Variants in BICD1 observed in about 807,000 individuals in gnomAD.
BICD1 encodes the protein protein bicaudal D homolog 1.
Under a neutral mutation model 92.5 loss-of-function variants are expected in BICD1, and 35 were observed. The ratio of observed to expected loss-of-function variants is 0.38; its 90% CI spans 0.29 to 0.50. The LOEUF is 0.50. Among genes scored for constraint, BICD1 ranks in the 20% least tolerant of loss-of-function variants. The probability of loss-of-function intolerance (pLI) is 0.93; values close to 1 mark genes in which losing one functional copy is unlikely to be tolerated. For synonymous variants in BICD1, 429 were observed against 465.1 expected (o/e 0.92, Z 1.00); for missense variants, 950 against 1,189.8 (o/e 0.80, Z 2.97).
Position 32,324,097 on chromosome 12 carries a change from G to A in BICD1, c.1006-3364G>A, listed in dbSNP as rs1279676270. Among the ~76,000 whole-genome samples, 7 of 151,852 alleles carry A rather than the reference G, an allele frequency of 4.6e-5. No individual in the cohort carries two copies. The East Asian group carries it at 5.8e-4, about 13-fold the overall frequency. On this transcript the variant is annotated intron_variant, in intron 4 of 9. Coordinates refer to ENST00000652176, the MANE Select transcript of BICD1 (RefSeq NM_001714.4). ...TGTAATCCCAGCACTTTGGGAGGCC[G>A]AGGTGGGCAGATCACGAGGTCAGGA...
At chr12:32,187,488 A>G (rs1442887688) in intron 1 of BICD1, among the ~76,000 whole-genome samples, 3 of 152,098 alleles carry the variant, frequency 2.0e-5, no homozygotes, top group Non-Finnish European at 4.4e-5. Flanking sequence ...CCTGACCAAC[A>G]TGGTGAAACC....
rs1241646041 is a variant in BICD1, at chr12:32,163,246, CCTT to C, written c.214-52997_214-52995del. Among the ~76,000 whole-genome samples the C allele has an allele frequency of 2.0e-5, 3 of 151,496 alleles. 1 individual carries two copies. On this transcript the variant is annotated intron_variant, in intron 1 of 9. Transcript: ENST00000652176. The stretch of plus-strand genomic sequence containing the variant: ...ACATTTTATTATTTAATTCTTCCTG[CCTT>C]CTTTTCATTAATTTATGCAGCATTT...
Position 32,306,101 on chromosome 12 carries a change from G to A in BICD1, c.984G>A (p.Lys328=). ...FSELNISEIQ[K]LKQQLMQVER... is the part of the protein sequence containing the mutation. ...AGCTGAACATTTCAGAAATACAGAA[G>A]TTGAAGCAGCAGCTTATGCAGGTAA... The change falls in exon 4 of 10, where the codon AAG becomes AAA. Residue 328 remains lysine, a synonymous_variant. Coordinates refer to ENST00000652176, the MANE Select transcript of BICD1 (RefSeq NM_001714.4). The A allele has an allele frequency of 2.5e-6, 4 of 1,603,406 alleles. No homozygotes were observed. The South Asian group carries it at 4.5e-5, about 18-fold the overall frequency.
intron 8 of BICD1, chr12:32,339,565 C>T (rs1938278390): frequency 2.4e-5 from 24 of 985,438 alleles, no homozygotes; most frequent in Non-Finnish European, 2.8e-5. Flanking sequence ...CTTAGCTTCA[C>T]TATTTTGCAT....
intron 1 of BICD1, among the ~76,000 whole-genome samples, chr12:32,132,214 G>A (rs1161967655): frequency 6.6e-6 from 1 of 152,078 alleles, no homozygotes; most frequent in East Asian, 1.9e-4. Context: ...TCAGGAGTTC[G>A]AGACCAGCTT....
At chr12:32,367,501 C>A (rs896026850) in intron 8 of BICD1, 169 bp from the exon 9 acceptor site, 2 of 522,460 alleles carry the variant, frequency 3.8e-6, no homozygotes, top group African/African-American at 1.9e-5. Flanking sequence ...AAAAGCCTGT[C>A]TTTTCTATTG....
chr12:32,216,244 C>A lies in BICD1; in HGVS notation c.214-3C>A, dbSNP rs1178537509. 6.2e-7 allele frequency: 1 copy of A among 1,612,736 alleles called. No individual in the cohort carries two copies. The highest frequency in any genetic ancestry group is 8.5e-7 in the Non-Finnish European group (1 of 1,179,646). On this transcript the variant is annotated splice_polypyrimidine_tract_variant and splice_region_variant and intron_variant, in intron 1 of 9. Coordinates refer to ENST00000652176, the MANE Select transcript of BICD1 (RefSeq NM_001714.4). ...ACTCTTTTTCTTCCCATATACTCTG[C>A]AGGCATTTGGGCAGTCCTTCTCCAT...
chr12:32,267,729 G>C (rs1947036970), intron 2 of BICD1, among the ~76,000 whole-genome samples: 1 of 152,032 alleles, frequency 6.6e-6, no homozygotes, highest in South Asian at 2.1e-4. Flanking sequence ...TGACATTTTT[G>C]TTGTTAATTA....
chr12:32,202,397 TCTG>T (rs1351080086), intron 1 of BICD1, among the ~76,000 whole-genome samples: 4 of 152,200 alleles, frequency 2.6e-5, no homozygotes, highest in African/African-American at 9.7e-5. Context: ...AATATTTTTT[TCTG>T]CTTTTTGGTG....
intron 8 of BICD1, among the ~76,000 whole-genome samples, chr12:32,363,106 CTT>C (rs1939396041): frequency 2.0e-5 from 3 of 152,160 alleles, no homozygotes; most frequent in African/African-American, 7.2e-5. Flanking sequence ...ATTTTCCTCT[CTT>C]ATTTCTCCCT....
intron 1 of BICD1, among the ~76,000 whole-genome samples, chr12:32,177,544 C>A (rs1051655016): frequency 1.3e-5 from 2 of 148,976 alleles, no homozygotes; most frequent in African/African-American, 2.5e-5. Flanking sequence ...GTTCGCGATT[C>A]TATAGGCAAA....
chr12:32,276,350 C>G (rs1947277008), intron 2 of BICD1, among the ~76,000 whole-genome samples: 1 of 152,172 alleles, frequency 6.6e-6, no homozygotes, highest in Non-Finnish European at 1.5e-5. Flanking sequence ...AGAGAGGGGA[C>G]TGAGAGACAG....
At chr12:32,273,621 C>T (rs996438303) in intron 2 of BICD1, among the ~76,000 whole-genome samples, 4 of 152,332 alleles carry the variant, frequency 2.6e-5, no homozygotes, top group African/African-American at 9.6e-5. Flanking sequence ...TAATAATGAT[C>T]AGCTAGTAGA....
chr12:32,220,297 T>C (rs1222286202), intron 2 of BICD1, among the ~76,000 whole-genome samples: 2 of 151,796 alleles, frequency 1.3e-5, no homozygotes, highest in African/African-American at 2.4e-5. Context: ...ACCATCAGAG[T>C]GAACAGGCAA....
At chr12:32,112,736 C>T (rs1408788121) in intron 1 of BICD1, among the ~76,000 whole-genome samples, 1 of 152,102 alleles carries the variant, frequency 6.6e-6, no homozygotes, top group African/African-American at 2.4e-5. Context: ...CACATTTTGT[C>T]TTGGGGATGT....
chr12:32,156,283 G>C (rs572855713), intron 1 of BICD1, among the ~76,000 whole-genome samples: 1 of 152,294 alleles, frequency 6.6e-6, no homozygotes, highest in East Asian at 1.9e-4. Context: ...AGCTCTGTTT[G>C]AATGGTGGGA....
intron 6 of BICD1, among the ~76,000 whole-genome samples, chr12:32,335,580 C>CTT (rs11423390): frequency 0.063 from 8,280 of 131,846 alleles, 569 homozygotes; most frequent in African/African-American, 0.15. Context: ...AAAAGACCTA[C>CTT]TTTTTTTTTT....
intron 2 of BICD1, among the ~76,000 whole-genome samples, chr12:32,263,421 C>A (rs1404786667): frequency 6.6e-6 from 1 of 151,534 alleles, no homozygotes; most frequent in Non-Finnish European, 1.5e-5. Flanking sequence ...GTGGTGGGCA[C>A]CTGTAATCCC....
chr12:32,275,843 C>T (rs1947260185), intron 2 of BICD1, among the ~76,000 whole-genome samples: 1 of 152,164 alleles, frequency 6.6e-6, no homozygotes, highest in Non-Finnish European at 1.5e-5. Flanking sequence ...GAGCTGAACA[C>T]TAGTCACTGG....
Sources: allele counts gnomAD v4.1 joint callset (sites outside exome capture counted in the v4.1 genomes callset), GRCh38; gene constraint gnomAD v4.1.1; transcripts MANE v1.5; gene names NCBI Gene and HGNC (gene_info 2026-07-23, HGNC 2026-07-21).